Variants in ZNF136 observed in about 807,000 individuals in gnomAD.
ZNF136 encodes zinc finger protein 136 (clone pHZ-20).
In ZNF136, 8 loss-of-function variants were observed where a neutral mutation model predicts 11.4. That is an observed-to-expected ratio of 0.70 (90% confidence interval 0.41 to 1.27). ZNF136 has a LOEUF of 1.27. Ranked by LOEUF, ZNF136 falls within the 50% of genes most tolerant of loss-of-function variation. The probability of loss-of-function intolerance (pLI) is 0.01; values close to 1 mark genes in which losing one functional copy is unlikely to be tolerated. For synonymous variants in ZNF136, 190 were observed against 207.1 expected, an observed-to-expected ratio of 0.92 and a Z score of 0.71; for missense variants, 590 against 656.5, an observed-to-expected ratio of 0.90 and a Z score of 1.11.
chr19:12,163,289 C>A, intron 1 of ZNF136, 83 bp downstream of exon 1: 1 of 1,325,380 alleles, frequency 7.5e-7, no homozygotes, highest in Non-Finnish European at 9.7e-7. Flanking sequence ...CGGCCCGGGC[C>A]TTCCCGTGGG....
chr19:12,183,897 C>T (rs1038457676), intron 1 of ZNF136, among the ~76,000 whole-genome samples: 5 of 152,180 alleles, frequency 3.3e-5, no homozygotes, highest in African/African-American at 7.2e-5. Flanking sequence ...CCAGTTCACC[C>T]GGCCACTGAT....
chr19:12,181,331 C>T (rs886510355), intron 1 of ZNF136, among the ~76,000 whole-genome samples: 3 of 152,142 alleles, frequency 2.0e-5, no homozygotes, highest in Non-Finnish European at 4.4e-5. Context: ...TCAAATCCAC[C>T]CCCGGCCTAA....
chr19:12,178,081 T>C (rs1442280434), intron 1 of ZNF136, among the ~76,000 whole-genome samples: 4 of 152,218 alleles, frequency 2.6e-5, no homozygotes, highest in African/African-American at 9.6e-5. Context: ...CACTCCAATG[T>C]GGGTGTCAGA....
At chr19:12,165,301 C>T (rs1311531587) in intron 1 of ZNF136, among the ~76,000 whole-genome samples, 2 of 152,166 alleles carry the variant, frequency 1.3e-5, no homozygotes, top group Non-Finnish European at 2.9e-5. Flanking sequence ...ATAAGATGAC[C>T]TCTGCTGACA....
chr19:12,174,665 T>C (rs906794044), intron 1 of ZNF136, among the ~76,000 whole-genome samples: 51 of 151,988 alleles, frequency 3.4e-4, no homozygotes, highest in African/African-American at 1.2e-3. Context: ...AGACGGAGTC[T>C]CGCTCTGTTG....
intron 1 of ZNF136, among the ~76,000 whole-genome samples, chr19:12,167,203 C>G (rs945401698): frequency 6.6e-6 from 1 of 152,156 alleles, no homozygotes; most frequent in Non-Finnish European, 1.5e-5. Context: ...GGGCTTGCAT[C>G]TGTAGTTCTC....
Position 12,185,912 on chromosome 19 carries a change from G to A in ZNF136, c.130+1G>A, listed in dbSNP as rs758366554. ...ACCATGAGGAATCTGGCCTCTATAG[G>A]TAAGGATTGTATACTTCCATCACTT... On this transcript the variant is annotated splice_donor_variant, in intron 2 of 3. Transcript: ENST00000343979. LOFTEE classifies it high-confidence loss of function. 3 of 1,613,424 alleles carry A rather than the reference G, an allele frequency of 1.9e-6. No individual in the cohort carries two copies. Among genetic ancestry groups the A allele is most frequent in the Non-Finnish European group, 1.7e-6 (2 of 1,179,836 alleles).
At chr19:12,176,922 C>G (rs1340582256) in intron 1 of ZNF136, among the ~76,000 whole-genome samples, 1 of 152,140 alleles carries the variant, frequency 6.6e-6, no homozygotes, top group Non-Finnish European at 1.5e-5. Context: ...TGTGCAGTGA[C>G]AAAGTGTGAG....
At chr19:12,184,576 T>TA (rs1458214214) in intron 1 of ZNF136, 5 of 142,912 alleles carry the variant, frequency 3.5e-5, no homozygotes, top group African/African-American at 7.9e-5. Context: ...AAAAAAAAGG[T>TA]AAAAAATCCT....
At chr19:12,185,965 G>C in intron 2 of ZNF136, 54 bp downstream of exon 2, 1 of 1,610,106 alleles carries the variant, frequency 6.2e-7, no homozygotes, top group Non-Finnish European at 8.5e-7. Flanking sequence ...TGCTTCTTGT[G>C]CAGTGATGCT....
At chr19:12,183,226 C>T (rs1169784471) in intron 1 of ZNF136, among the ~76,000 whole-genome samples, 3 of 152,078 alleles carry the variant, frequency 2.0e-5, no homozygotes, top group Non-Finnish European at 4.4e-5. Context: ...CTCACTGCAA[C>T]CTCCACCTCC....
rs781292292 is a variant in ZNF136, at chr19:12,163,218, G to A, written c.3+12G>A. Reference sequence around the variant, plus strand: ...GGAGTCAGGAAATGGTGAGTGTGTCGGGCCCTGCGTCCCGAGACAGGGAGG... The same window carrying A: ...GGAGTCAGGAAATGGTGAGTGTGTCAGGCCCTGCGTCCCGAGACAGGGAGG... On this transcript the variant is annotated intron_variant, in intron 1 of 3. Coordinates refer to ENST00000343979, the MANE Select transcript of ZNF136 (RefSeq NM_003437.5). The A allele has an allele frequency of 7.2e-6, 10 of 1,386,292 alleles. No individual in the cohort carries two copies. Among genetic ancestry groups the A allele is most frequent in the Middle Eastern group, 2.0e-4 (1 of 5,108 alleles). The allele number at this position is 1,386,292 out of a possible 1,614,324, so 85.9% of individuals were successfully genotyped here.
chr19:12,163,336 G>C (rs965005916), intron 1 of ZNF136, 130 bp downstream of exon 1: 2 of 1,205,192 alleles, frequency 1.7e-6, no homozygotes, highest in African/African-American at 3.1e-5. Context: ...CTCTGGCGCA[G>C]CTCAGCCCTT....
At chr19:12,171,137 AC>A (rs1914643639) in intron 1 of ZNF136, among the ~76,000 whole-genome samples, 1 of 151,114 alleles carries the variant, frequency 6.6e-6, no homozygotes, top group Admixed American at 6.6e-5. Context: ...GCCAGGCCCC[AC>A]CCAGCTAATT....
chr19:12,171,128 C>T (rs1261929590), intron 1 of ZNF136, among the ~76,000 whole-genome samples: 1 of 151,970 alleles, frequency 6.6e-6, no homozygotes, highest in Admixed American at 6.5e-5. Flanking sequence ...AGCCACTGCG[C>T]CAGGCCCCAC....
At chr19:12,171,652 C>G (rs1914656041) in intron 1 of ZNF136, among the ~76,000 whole-genome samples, 1 of 150,808 alleles carries the variant, frequency 6.6e-6, no homozygotes, top group South Asian at 2.1e-4. Context: ...AGTGATTTAT[C>G]TTTTCACTCC....
At chr19:12,171,596 C>A (rs934483818) in intron 1 of ZNF136, among the ~76,000 whole-genome samples, 1 of 151,906 alleles carries the variant, frequency 6.6e-6, no homozygotes, top group Non-Finnish European at 1.5e-5. Flanking sequence ...ACTCTGTAGG[C>A]TAATTCTTTT....
chr19:12,180,492 G>T (rs1294038815), intron 1 of ZNF136, among the ~76,000 whole-genome samples: 1 of 152,124 alleles, frequency 6.6e-6, no homozygotes, highest in South Asian at 2.1e-4. Flanking sequence ...GGTAAGACTG[G>T]TTTATAAGAA....
At chr19:12,176,940 G>A (rs1357530098) in intron 1 of ZNF136, among the ~76,000 whole-genome samples, 4 of 152,168 alleles carry the variant, frequency 2.6e-5, no homozygotes, top group Non-Finnish European at 5.9e-5. Context: ...GAGTGATTTT[G>A]TATGTCTGAT....
Sources: allele counts gnomAD v4.1 joint callset (sites outside exome capture counted in the v4.1 genomes callset), GRCh38; gene constraint gnomAD v4.1.1; transcripts MANE v1.5; gene names NCBI Gene and HGNC (gene_info 2026-07-23, HGNC 2026-07-21).